The following HPSE2 variants were observed in gnomAD, a reference collection of about 807,000 sequenced individuals.
HPSE2 encodes heparanase 2 (inactive), also known as inactive heparanase-2.
Under a neutral mutation model 60.5 loss-of-function variants are expected in HPSE2, and 38 were observed. The observed-to-expected ratio is 0.63, with a 90% CI of 0.48 to 0.82. The LOEUF (loss-of-function observed/expected upper bound fraction) is 0.82. Among genes scored for constraint, HPSE2 ranks in the 40% least tolerant of loss-of-function variants. The pLI, the probability that HPSE2 is intolerant of heterozygous loss-of-function variation, is 0.00. For synonymous variants in HPSE2, 295 were observed against 293.2 expected (o/e 1.01, Z -0.06); for missense variants, 713 against 740.4 (o/e 0.96, Z 0.43).
chr10:99,163,847 G>C (rs1483032419), intron 2 of HPSE2, among the ~76,000 whole-genome samples: 2 of 151,904 alleles, frequency 1.3e-5, no homozygotes, highest in Non-Finnish European at 2.9e-5. Flanking sequence ...TGGGCTGACA[G>C]AAGTTTCTTT....
At chr10:98,461,799 C>A in intron 11 of HPSE2, 2 of 1,595,822 alleles carry the variant, frequency 1.3e-6, no homozygotes, top group Non-Finnish European at 1.7e-6. Context: ...GATGATCCCA[C>A]AGTATTGACA....
rs3043548 is a variant in HPSE2, at chr10:98,888,135, A to AACACACAC, written c.611-144087_611-144080dup. ...TGCAAAAGGGATAGGTTTTAAAACAAACACACACACACACACACACACACA... is the reference window on the plus strand; with the variant it reads ...TGCAAAAGGGATAGGTTTTAAAACAAACACACACACACACACACACACACACACACACA... On this transcript the variant is annotated intron_variant, in intron 3 of 11. Coordinates refer to ENST00000370552, the MANE Select transcript of HPSE2 (RefSeq NM_021828.5). 8.8e-3 allele frequency among the ~76,000 whole-genome samples: 1,237 copies of AACACACAC among 140,774 alleles called. 13 individuals are homozygous for AACACACAC. Among genetic ancestry groups the AACACACAC allele is most frequent in the Middle Eastern group, 0.029 (8 of 272 alleles). 92.4% of individuals were successfully genotyped at this position (140,774 alleles called of 152,430 possible). A position where few individuals can be genotyped will look rare whatever the true frequency, so the allele number is the denominator to read the frequency against.
rs2133957191 is a variant in HPSE2, at chr10:98,606,903, C to T, written c.1320+8001G>A. Reference sequence around the variant, plus strand: ...ATTTTTTGGTTCCTACAGGTCACAACCAGACATCGTTGTGCCCTTAATGTT... The same window carrying T: ...ATTTTTTGGTTCCTACAGGTCACAATCAGACATCGTTGTGCCCTTAATGTT... On this transcript the variant is annotated intron_variant, in intron 9 of 11. Transcript: ENST00000370552. Among the ~76,000 whole-genome samples the T allele has an allele frequency of 1.3e-5, 2 of 152,290 alleles. 1 individual carries two copies. The highest frequency in any genetic ancestry group is 3.9e-4 in the East Asian group (2 of 5,184).
At chr10:99,212,448 T>C (rs183654912) in intron 2 of HPSE2, among the ~76,000 whole-genome samples, 110 of 152,228 alleles carry the variant, frequency 7.2e-4, no homozygotes, top group Admixed American at 6.7e-3. Context: ...ATGTGGTATA[T>C]ATACATATAC....
At chr10:98,783,201 TG>T (rs963782197) in intron 3 of HPSE2, among the ~76,000 whole-genome samples, 1 of 78,926 alleles carries the variant, frequency 1.3e-5, no homozygotes, top group African/African-American at 5.8e-5. Flanking sequence ...TTTGGTTTTT[TG>T]TTCTTGCGAT....
At position 98,928,837 on chromosome 10, in the gene HPSE2, G is replaced by A. The variant is rs1198740242; in HGVS notation, c.611-184781C>T. On this transcript the variant is annotated intron_variant, in intron 3 of 11. Coordinates refer to ENST00000370552, the MANE Select transcript of HPSE2 (RefSeq NM_021828.5). ...GGAACATCACACTCTGGGGACTGTT[G>A]TGGGGTGGGGGGAGGGGGGAGGGAT... Among the ~76,000 whole-genome samples, 2 of 96,148 alleles carry A rather than the reference G, an allele frequency of 2.1e-5. 1 individual carries two copies. Among genetic ancestry groups the A allele is most frequent in the Non-Finnish European group, 3.7e-5 (2 of 53,446 alleles). 63.1% of individuals were successfully genotyped at this position (96,148 alleles called of 152,430 possible). A position where few individuals can be genotyped will look rare whatever the true frequency, so the allele number is the denominator to read the frequency against.
At chr10:98,558,847 GA>G (rs1374768814) in intron 9 of HPSE2, among the ~76,000 whole-genome samples, 1 of 152,168 alleles carries the variant, frequency 6.6e-6, no homozygotes, top group Non-Finnish European at 1.5e-5. Context: ...TCTGGCTTCT[GA>G]AAACATGTGA....
At chr10:99,210,652 A>T (rs1848923411) in intron 2 of HPSE2, among the ~76,000 whole-genome samples, 1 of 152,244 alleles carries the variant, frequency 6.6e-6, no homozygotes, top group South Asian at 2.1e-4. Context: ...CCATATTAAT[A>T]GAATGAAGGA....
intron 6 of HPSE2, among the ~76,000 whole-genome samples, chr10:98,683,094 G>C (rs1947826095): frequency 6.6e-6 from 1 of 152,150 alleles, no homozygotes. Flanking sequence ...AATATCCCAA[G>C]AGAAAAGATG....
At chr10:98,617,207 G>C (rs1296725829) in intron 8 of HPSE2, among the ~76,000 whole-genome samples, 1 of 152,130 alleles carries the variant, frequency 6.6e-6, no homozygotes, top group Non-Finnish European at 1.5e-5. Context: ...TATGTGAAAA[G>C]ATCCTACTTG....
At chr10:98,582,294 A>C (rs1409363599) in intron 9 of HPSE2, among the ~76,000 whole-genome samples, 1 of 152,256 alleles carries the variant, frequency 6.6e-6, no homozygotes, top group African/African-American at 2.4e-5. Context: ...GAAATGGAAC[A>C]ATACCTTTAA....
chr10:99,106,873 G>T (rs1322217649), intron 3 of HPSE2, among the ~76,000 whole-genome samples: 1 of 151,966 alleles, frequency 6.6e-6, no homozygotes, highest in Admixed American at 6.6e-5. Flanking sequence ...TCTTAAGTTT[G>T]TTTTTGTTGT....
At chr10:98,561,827 G>A (rs1014884929) in intron 9 of HPSE2, among the ~76,000 whole-genome samples, 4 of 150,034 alleles carry the variant, frequency 2.7e-5, no homozygotes, top group East Asian at 2.0e-4. Context: ...TAGCCTGGGC[G>A]ATAGAGCTAA....
intron 3 of HPSE2, among the ~76,000 whole-genome samples, chr10:99,007,418 G>A (rs909835605): frequency 2.0e-5 from 3 of 152,168 alleles, no homozygotes; most frequent in Admixed American, 2.0e-4. Flanking sequence ...TGCAGGTGAT[G>A]TAAAACTGTC....
chr10:98,518,731 T>C (rs1942686733), intron 9 of HPSE2, among the ~76,000 whole-genome samples: 1 of 149,290 alleles, frequency 6.7e-6, no homozygotes, highest in African/African-American at 2.4e-5. Flanking sequence ...AAAAAGATGA[T>C]ACTTTAGCCT....
At chr10:98,573,573 G>A (rs144022373) in intron 9 of HPSE2, among the ~76,000 whole-genome samples, 4 of 152,264 alleles carry the variant, frequency 2.6e-5, no homozygotes, top group Non-Finnish European at 4.4e-5. Flanking sequence ...AGCGTTTCCC[G>A]CTTGACTCCT....
chr10:98,641,815 G>T, intron 7 of HPSE2, 32 bp downstream of exon 7: 1 of 1,480,462 alleles, frequency 6.8e-7, no homozygotes, highest in Non-Finnish European at 9.4e-7. Flanking sequence ...CCCCAGAATC[G>T]CTCCTTTTCT....
chr10:98,987,564 C>T (rs546703284), intron 3 of HPSE2, among the ~76,000 whole-genome samples: 2,077 of 152,170 alleles, frequency 0.014, 40 homozygotes, highest in African/African-American at 0.046. Context: ...ACTGGAAGCA[C>T]TCCCTTTGAA....
chr10:98,824,744 C>A (rs756254192), intron 3 of HPSE2, among the ~76,000 whole-genome samples: 9 of 152,192 alleles, frequency 5.9e-5, no homozygotes, highest in Non-Finnish European at 4.4e-5. Context: ...AATATCAAAA[C>A]CATTTCATGA....
Sources: allele counts gnomAD v4.1 joint callset (sites outside exome capture counted in the v4.1 genomes callset), GRCh38; gene constraint gnomAD v4.1.1; transcripts MANE v1.5; gene names NCBI Gene and HGNC (gene_info 2026-07-23, HGNC 2026-07-21).